The following WDFY3 variants were observed in gnomAD, a reference collection of about 807,000 sequenced individuals.
WDFY3 encodes WD repeat and FYVE domain-containing protein 3.
Under a neutral mutation model 409.6 loss-of-function variants are expected in WDFY3, and 66 were observed. That is an observed-to-expected ratio of 0.16 (90% CI 0.13 to 0.20). The LOEUF (loss-of-function observed/expected upper bound fraction) is 0.20, where lower values mean the gene tolerates loss of function less well. Among genes scored for constraint, WDFY3 ranks in the 10% least tolerant of loss-of-function variants. WDFY3 has a pLI of 1.00. For missense variants in WDFY3, 3,031 were observed against 4,298.1 expected, an observed-to-expected ratio of 0.71 and a Z score of 8.24; for synonymous variants, 1,521 against 1,537.1, an observed-to-expected ratio of 0.99 and a Z score of 0.25.
intron 2 of WDFY3, among the ~76,000 whole-genome samples, chr4:84,921,221 C>G (rs1769224447): frequency 6.6e-6 from 1 of 152,008 alleles, no homozygotes; most frequent in Non-Finnish European, 1.5e-5. Context: ...CTTAAAGCAA[C>G]TGCTATTAAG....
chr4:84,735,146 TA>T (rs764428112), intron 42 of WDFY3, 26 bp from the exon 43 acceptor site: 33 of 1,586,016 alleles, frequency 2.1e-5, no homozygotes, highest in Non-Finnish European at 2.8e-5. Context: ...AAAAGAGTCT[TA>T]ATATTTCATG....
chr4:84,740,109 A>T, intron 39 of WDFY3, 78 bp downstream of exon 39: 2 of 1,394,860 alleles, frequency 1.4e-6, no homozygotes, highest in South Asian at 2.5e-5. Context: ...AAATGTTACT[A>T]TCAAAAAAAA....
intron 1 of WDFY3, among the ~76,000 whole-genome samples, chr4:84,936,229 A>G (rs1771388607): frequency 6.6e-6 from 1 of 152,110 alleles, no homozygotes; most frequent in South Asian, 2.1e-4. Context: ...GGGTCTTATC[A>G]TACTCTTTGG....
intron 30 of WDFY3, among the ~76,000 whole-genome samples, chr4:84,772,626 T>C (rs1436700408): frequency 6.6e-6 from 1 of 152,130 alleles, no homozygotes; most frequent in Non-Finnish European, 1.5e-5. Context: ...TGAAGTAAAA[T>C]TCACACCCTA....
At chr4:84,749,271 T>TA (rs1740063703) in intron 36 of WDFY3, among the ~76,000 whole-genome samples, 1 of 152,198 alleles carries the variant, frequency 6.6e-6, no homozygotes, top group Admixed American at 6.5e-5. Context: ...TTTATTCTGT[T>TA]ACACCATTGG....
At chr4:84,722,152 C>A (rs147524208) in intron 46 of WDFY3, among the ~76,000 whole-genome samples, 46 of 152,200 alleles carry the variant, frequency 3.0e-4, no homozygotes, top group Middle Eastern at 3.4e-3. Flanking sequence ...CTTTGGGAGG[C>A]CAAGGGGAGC....
chr4:84,867,687 A>C (rs1212268576), intron 3 of WDFY3, among the ~76,000 whole-genome samples: 3 of 152,220 alleles, frequency 2.0e-5, no homozygotes, highest in African/African-American at 7.2e-5. Flanking sequence ...AGATCAAGTA[A>C]ATAGGCTAAA....
At chr4:84,791,615 G>C (rs1355213251) in intron 21 of WDFY3, among the ~76,000 whole-genome samples, 1 of 152,154 alleles carries the variant, frequency 6.6e-6, no homozygotes, top group Non-Finnish European at 1.5e-5. Context: ...AAAATGTAAA[G>C]TTTATTCTTG....
At chr4:84,928,493 C>T (rs751076567) in intron 2 of WDFY3, among the ~76,000 whole-genome samples, 3 of 152,116 alleles carry the variant, frequency 2.0e-5, no homozygotes, top group Non-Finnish European at 4.4e-5. Flanking sequence ...GCCTGTCTCT[C>T]GGGTAACCCT....
At chr4:84,826,508 T>G (rs1754886440) in intron 10 of WDFY3, among the ~76,000 whole-genome samples, 2 of 152,214 alleles carry the variant, frequency 1.3e-5, no homozygotes, top group African/African-American at 4.8e-5. Context: ...AAAGTAGAAA[T>G]GCACGAAGTG....
chr4:84,833,661 A>AAAAAGAAAAG lies in WDFY3; in HGVS notation c.577-2066_577-2057dup, dbSNP rs1170304084. ...AGAGTGAGACCTTGTCTCAAAAGAG[A>AAAAAGAAAAG]AAAAGAAAAGAAAAGAAAAGAAAAG... On this transcript the variant is annotated intron_variant, in intron 7 of 67. Transcript: ENST00000295888. Among the ~76,000 whole-genome samples, 1,104 of 149,940 alleles carry AAAAAGAAAAG rather than the reference A, an allele frequency of 7.4e-3. 23 individuals are homozygous for AAAAAGAAAAG. The highest frequency in any genetic ancestry group is 0.025 in the African/African-American group (1,003 of 40,364).
intron 34 of WDFY3, among the ~76,000 whole-genome samples, chr4:84,754,320 T>C (rs1741053418): frequency 6.6e-6 from 1 of 152,122 alleles, no homozygotes; most frequent in African/African-American, 2.4e-5. Flanking sequence ...ATGATGATGA[T>C]AAAAAAATGA....
chr4:84,678,145 G>A (rs1560511184), intron 66 of WDFY3, 23 bp downstream of exon 66: 1 of 1,588,742 alleles, frequency 6.3e-7, no homozygotes, highest in African/African-American at 1.3e-5. Context: ...GGGAAGCGGA[G>A]CTGGAAAAAG....
chr4:84,790,089 C>T (rs1263557484), intron 21 of WDFY3, among the ~76,000 whole-genome samples, 182 bp from the exon 22 acceptor site: 1 of 152,080 alleles, frequency 6.6e-6, no homozygotes, highest in East Asian at 1.9e-4. Context: ...GTGGCTCACA[C>T]CTGTAATGTC....
At chr4:84,807,794 T>C (rs1751767087) in intron 15 of WDFY3, among the ~76,000 whole-genome samples, 1 of 152,160 alleles carries the variant, frequency 6.6e-6, no homozygotes, top group African/African-American at 2.4e-5. Flanking sequence ...GTGGGTTTTT[T>C]ACTAACTTTT....
rs546185734 is a variant in WDFY3 at position 84,816,964 on chromosome 4, T to A, written c.1887+428A>T. On this transcript the variant is annotated intron_variant, in intron 13 of 67. Transcript: ENST00000295888. ...TAAATGATAAAAGCATATGTATAAC[T>A]CCTGGTATATTGTTTGATATCTACT... Among the ~76,000 whole-genome samples the A allele has an allele frequency of 4.6e-5, 7 of 152,280 alleles. No homozygotes were observed. The East Asian group carries it at 1.3e-3, about 29-fold the overall frequency.
chr4:84,862,310 G>A (rs569772513), intron 3 of WDFY3, among the ~76,000 whole-genome samples: 1 of 152,312 alleles, frequency 6.6e-6, no homozygotes, highest in South Asian at 2.1e-4. Context: ...AGAGAGCACT[G>A]AGCACACTCT....
chr4:84,783,100 G>A, intron 24 of WDFY3, 26 bp from the exon 25 acceptor site: 2 of 1,585,528 alleles, frequency 1.3e-6, no homozygotes, highest in Non-Finnish European at 8.7e-7. Flanking sequence ...GGAAAAGAAT[G>A]TAATTATATA....
chr4:84,692,130 T>C (rs1405050870), intron 59 of WDFY3, among the ~76,000 whole-genome samples: 2 of 152,230 alleles, frequency 1.3e-5, no homozygotes, highest in South Asian at 2.1e-4. Flanking sequence ...AACAAACCTA[T>C]GTCTTTAGTA....
Sources: allele counts gnomAD v4.1 joint callset (sites outside exome capture counted in the v4.1 genomes callset), GRCh38; gene constraint gnomAD v4.1.1; transcripts MANE v1.5; gene names NCBI Gene and HGNC (gene_info 2026-07-23, HGNC 2026-07-21).